Variants in DNAH12 observed in about 807,000 individuals in gnomAD.
The protein encoded by DNAH12 is dynein axonemal heavy chain 12.
Under a neutral mutation model 371.5 loss-of-function variants are expected in DNAH12, and 285 were observed. That is an observed-to-expected ratio of 0.77 (90% CI 0.70 to 0.85). The LOEUF (loss-of-function observed/expected upper bound fraction) is 0.85, where lower values mean the gene tolerates loss of function less well. Among genes scored for constraint, DNAH12 ranks in the 40% least tolerant of loss-of-function variants. The probability of loss-of-function intolerance (pLI) is 0.00; values close to 1 mark genes in which losing one functional copy is unlikely to be tolerated. For missense variants in DNAH12, 3,611 were observed against 3,689.4 expected (o/e 0.98, Z 0.55); for synonymous variants, 1,200 against 1,213.0 (o/e 0.99, Z 0.22).
At chr3:57,337,450 G>A (rs1357976040) in intron 60 of DNAH12, among the ~76,000 whole-genome samples, 5 of 152,126 alleles carry the variant, frequency 3.3e-5, no homozygotes, top group East Asian at 1.9e-4. Flanking sequence ...ACCTGAGGTC[G>A]GGAGTTCAGG....
intron 62 of DNAH12, among the ~76,000 whole-genome samples, chr3:57,332,236 T>C (rs999680430): frequency 6.6e-6 from 1 of 152,260 alleles, no homozygotes; most frequent in Non-Finnish European, 1.5e-5. Flanking sequence ...AATACTATGA[T>C]CACCTTTCTT....
chr3:57,501,231 T>G, intron 11 of DNAH12, 90 bp downstream of exon 11: 1 of 909,798 alleles, frequency 1.1e-6, no homozygotes, highest in Non-Finnish European at 1.7e-6. Context: ...AATAAGAAAT[T>G]CTATTTAAGC....
Position 57,433,818 on chromosome 3 carries a change from C to A in DNAH12, c.4666G>T (p.Val1556Leu). ...MMIVRHGFML[V>L]GEPFAAKTKV... ...GTCTTAGCAGCAAAAGGCTCTCCTA[C>A]TAACATAAAACTATGAAGGAAAAGA... Residue 1556 changes from valine to leucine, a missense_variant, in exon 31 of 74, where the codon GTA (valine) becomes TTA (leucine). By Grantham distance (32) the Val-to-Leu change is conservative. Coordinates refer to ENST00000495027, the MANE Select transcript of DNAH12 (RefSeq NM_001366028.2). 1 of 1,537,918 alleles carries A rather than the reference C, an allele frequency of 6.5e-7. No homozygotes were observed. Among genetic ancestry groups the A allele is most frequent in the Non-Finnish European group, 8.7e-7 (1 of 1,143,158 alleles).
Position 57,322,352 on chromosome 3 carries a change from T to G in DNAH12, c.10515A>C (p.Gly3505=). The change falls in exon 65 of 74, where the codon GGA becomes GGC. Residue 3505 remains glycine, a synonymous_variant. Coordinates refer to ENST00000495027, the MANE Select transcript of DNAH12 (RefSeq NM_001366028.2). Reference sequence around the variant, plus strand: ...AAAAGATGAATATTACCAGTTCCTTTCCACGGCATCCCTTGAAAAACTCAG... The same window carrying G: ...AAAAGATGAATATTACCAGTTCCTTGCCACGGCATCCCTTGAAAAACTCAG... ...SDPEFFKGCR[G]KELAWEKLLF... 6.4e-7 allele frequency: 1 copy of G among 1,550,994 alleles called. No individual in the cohort carries two copies. Among genetic ancestry groups the G allele is most frequent in the Non-Finnish European group, 8.7e-7 (1 of 1,146,706 alleles).
rs147713780 is a variant in DNAH12, at chr3:57,413,612, G to A, written c.6020+134C>T. The A allele has an allele frequency of 3.4e-5, 32 of 948,644 alleles. 1 individual carries two copies. In the East Asian group the frequency reaches 8.5e-4, roughly 25 times the overall value. 58.8% of individuals were successfully genotyped at this position (948,644 alleles called of 1,614,324 possible). A position where few individuals can be genotyped will look rare whatever the true frequency, so the allele number is the denominator to read the frequency against. On this transcript the variant is annotated intron_variant, in intron 39 of 73. Coordinates refer to ENST00000495027, the MANE Select transcript of DNAH12 (RefSeq NM_001366028.2). The stretch of plus-strand genomic sequence containing the variant: ...TAGTCTTTTCGAAATATATTAGAGA[G>A]GCTTCATGTATAGGAAAATCTGAGC...
At chr3:57,414,720 G>C (rs1477974928) in intron 38 of DNAH12, among the ~76,000 whole-genome samples, 1 of 150,848 alleles carries the variant, frequency 6.6e-6, no homozygotes, top group East Asian at 2.0e-4. Flanking sequence ...AATACTTTGG[G>C]AACTCACTTG....
At chr3:57,456,884 T>A (rs1387859479) in intron 22 of DNAH12, among the ~76,000 whole-genome samples, 1 of 152,202 alleles carries the variant, frequency 6.6e-6, no homozygotes, top group African/African-American at 2.4e-5. Context: ...CTTACCCTTG[T>A]ACTCTACAAC....
chr3:57,528,344 A>G (rs2068721573), intron 2 of DNAH12, among the ~76,000 whole-genome samples: 1 of 151,480 alleles, frequency 6.6e-6, no homozygotes, highest in African/African-American at 2.4e-5. Flanking sequence ...TGTTTTTTCT[A>G]TATCTGTGAA....
chr3:57,549,889 G>A, the DNAH12 span, among the ~76,000 whole-genome samples: 42 of 152,152 alleles, frequency 2.8e-4, no homozygotes, highest in African/African-American at 9.1e-4. Flanking sequence ...CTCCCAAAGT[G>A]CTGGGATTAC....
In DNAH12 at chr3:57,396,294, A is replaced by C. The variant is rs1208249408; in HGVS notation, c.6949-1962T>G. On this transcript the variant is annotated intron_variant, in intron 43 of 73. Coordinates refer to ENST00000495027, the MANE Select transcript of DNAH12 (RefSeq NM_001366028.2). ...ACTGCATCTCAAAAAAAAAAACAAA[A>C]AAAAAAAAAAAAAAAAGAGAACCAT... 4.4e-3 allele frequency among the ~76,000 whole-genome samples: 513 copies of C among 117,418 alleles called. 5 individuals are homozygous for C. Among genetic ancestry groups the C allele is most frequent in the Non-Finnish European group, 5.6e-3 (282 of 50,806 alleles). 77.0% of individuals were successfully genotyped at this position (117,418 alleles called of 152,430 possible). A position where few individuals can be genotyped will look rare whatever the true frequency, so the allele number is the denominator to read the frequency against.
chr3:57,437,011 G>T lies in DNAH12; in HGVS notation c.4595C>A (p.Pro1532His). Residue 1532 changes from proline to histidine, a missense_variant, in exon 30 of 74, where the codon CCT (proline) becomes CAT (histidine). Coordinates refer to ENST00000495027, the MANE Select transcript of DNAH12 (RefSeq NM_001366028.2). ...HEACNVHNLQPVKFFLEKIIQ... is the reference protein window; with the variant it reads ...HEACNVHNLQHVKFFLEKIIQ... ...TATTTTTTCAAGAAAAAATTTAACA[G>T]GCTGAAGATTATGTACATTGCAGGC... 6.6e-7 allele frequency: 1 copy of T among 1,509,476 alleles called. No homozygotes were observed. Among genetic ancestry groups the T allele is most frequent in the Non-Finnish European group, 8.8e-7 (1 of 1,136,002 alleles). 93.5% of individuals were successfully genotyped at this position (1,509,476 alleles called of 1,614,324 possible).
intron 13 of DNAH12, among the ~76,000 whole-genome samples, chr3:57,476,430 G>A (rs1366330574): frequency 1.3e-5 from 2 of 152,148 alleles, no homozygotes; most frequent in Non-Finnish European, 2.9e-5. Context: ...CAGGCGTGGT[G>A]GCGGGTGCCT....
intron 4 of DNAH12, chr3:57,519,970 G>T (rs1482997841): frequency 7.1e-6 from 6 of 850,210 alleles, no homozygotes; most frequent in African/African-American, 6.7e-5. Context: ...GGAGTGAGAG[G>T]TCAGGGCGTA....
At chr3:57,497,137 T>C (rs1460901036) in intron 11 of DNAH12, among the ~76,000 whole-genome samples, 1 of 152,250 alleles carries the variant, frequency 6.6e-6, no homozygotes, top group Non-Finnish European at 1.5e-5. Flanking sequence ...GGTCATGTAT[T>C]GAAAGCTTCT....
intron 2 of DNAH12, 110 bp downstream of exon 2, chr3:57,542,591 A>T (rs2069337738): frequency 1.7e-6 from 2 of 1,197,942 alleles, no homozygotes; most frequent in South Asian, 1.7e-5. Flanking sequence ...ACTTGAAAAT[A>T]GTATTTTACC....
At chr3:57,554,157 C>G in the DNAH12 span, among the ~76,000 whole-genome samples, 1 of 96,020 alleles carries the variant, frequency 1.0e-5, no homozygotes, top group African/African-American at 7.4e-5. Flanking sequence ...CATGGCAGTG[C>G]ACACCTGTAA....
At chr3:57,535,902 T>C (rs1258199254) in intron 2 of DNAH12, among the ~76,000 whole-genome samples, 1 of 149,192 alleles carries the variant, frequency 6.7e-6, no homozygotes, top group African/African-American at 2.5e-5. Context: ...AGTGGCTCGA[T>C]CTCAGCTCAC....
chr3:57,434,965 G>A lies in DNAH12; in HGVS notation c.4656-1137C>T, dbSNP rs151137606. The stretch of plus-strand genomic sequence containing the variant: ...TGAATGTATCAAGTTATTCTCATTC[G>A]CAACTGGTAAAAGATAAAATTAAGA... On this transcript the variant is annotated intron_variant, in intron 30 of 73. Coordinates refer to ENST00000495027, the MANE Select transcript of DNAH12 (RefSeq NM_001366028.2). Among the ~76,000 whole-genome samples, 22 of 152,230 alleles carry A rather than the reference G, an allele frequency of 1.4e-4. No individual in the cohort carries two copies. The East Asian group carries it at 2.7e-3, about 19-fold the overall frequency.
At chr3:57,533,370 C>T (rs370924293) in intron 2 of DNAH12, among the ~76,000 whole-genome samples, 2 of 152,282 alleles carry the variant, frequency 1.3e-5, no homozygotes, top group African/African-American at 4.8e-5. Context: ...ACAAATTTCC[C>T]TTTACTTTTT....
Sources: gnomAD v4.1 joint callset for allele counts (sites outside exome capture counted in the v4.1 genomes callset) on GRCh38, gnomAD v4.1.1 for gene constraint, MANE v1.5 for transcripts, NCBI Gene and HGNC (gene_info 2026-07-23, HGNC 2026-07-21) for gene names.